Variants in CGGBP1 observed in about 807,000 individuals in gnomAD.
The protein encoded by CGGBP1 is CGG triplet repeat-binding protein 1.
A neutral mutation model predicts 11.4 loss-of-function variants in CGGBP1; 4 were observed. The ratio of observed to expected loss-of-function variants is 0.35; its 90% confidence interval spans 0.17 to 0.80. CGGBP1 has a LOEUF of 0.80. CGGBP1 is among the 30% of genes least tolerant of loss of function. The pLI, the probability that CGGBP1 is intolerant of heterozygous loss-of-function variation, is 0.52. For synonymous variants in CGGBP1, 76 were observed against 74.1 expected, an observed-to-expected ratio of 1.03 and a Z score of -0.13; for missense variants, 135 against 202.1, an observed-to-expected ratio of 0.67 and a Z score of 2.01.
rs1247933697 is a variant in CGGBP1, at chr3:88,136,051, A to G, written c.-229+4919T>C. On this transcript the variant is annotated intron_variant, in intron 2 of 3. Transcript: ENST00000462901. ...TAACTGCATTTATGGTATGCTTATT[A>G]AATAGTGAAATATCATTCAAATGCA... Among the ~76,000 whole-genome samples, 50 of 152,144 alleles carry G rather than the reference A, an allele frequency of 3.3e-4. 2 individuals are homozygous for G. Among genetic ancestry groups the G allele is most frequent in the Admixed American group, 3.3e-3 (50 of 15,274 alleles).
intron 2 of CGGBP1, among the ~76,000 whole-genome samples, chr3:88,081,141 G>C (rs544969136): frequency 6.6e-6 from 1 of 152,038 alleles, no homozygotes; most frequent in Non-Finnish European, 1.5e-5. Context: ...TTGTTTTCTC[G>C]TGATGGGAAT....
intron 2 of CGGBP1, among the ~76,000 whole-genome samples, chr3:88,080,902 G>T (rs2107644896): frequency 6.6e-6 from 1 of 152,224 alleles, no homozygotes; most frequent in African/African-American, 2.4e-5. Flanking sequence ...AGTAACATTG[G>T]TACAATAGTC....
intron 1 of CGGBP1, among the ~76,000 whole-genome samples, chr3:88,146,902 A>G (rs1576366323): frequency 1.3e-5 from 2 of 152,156 alleles, no homozygotes; most frequent in Admixed American, 1.3e-4. Flanking sequence ...CCCTGACTCT[A>G]TCATGCCCTT....
intron 2 of CGGBP1, among the ~76,000 whole-genome samples, chr3:88,108,554 G>T (rs1404306030): frequency 6.6e-6 from 1 of 152,132 alleles, no homozygotes; most frequent in Non-Finnish European, 1.5e-5. Context: ...GCTATTCTGA[G>T]TAGCATGATG....
At chr3:88,138,499 CTATT>C (rs1384042159) in intron 2 of CGGBP1, among the ~76,000 whole-genome samples, 1 of 151,984 alleles carries the variant, frequency 6.6e-6, no homozygotes, top group African/African-American at 2.4e-5. Flanking sequence ...AAAATGCTAT[CTATT>C]CCAGATTATT....
At chr3:88,121,807 C>G (rs140088096) in intron 2 of CGGBP1, among the ~76,000 whole-genome samples, 150 of 152,224 alleles carry the variant, frequency 9.9e-4, no homozygotes, top group African/African-American at 3.6e-3. Context: ...TCTTAATTTG[C>G]TGCAGTAACT....
intron 2 of CGGBP1, chr3:88,095,867 C>A: frequency 4.4e-6 from 2 of 451,752 alleles, no homozygotes; most frequent in South Asian, 1.7e-5. Context: ...TCAGCAGATA[C>A]TCCACTTGCC....
intron 2 of CGGBP1, among the ~76,000 whole-genome samples, chr3:88,066,377 C>G (rs1012610392): frequency 6.6e-6 from 1 of 151,908 alleles, no homozygotes; most frequent in African/African-American, 2.4e-5. Flanking sequence ...AGTTCGATAC[C>G]AGCCTGGGCA....
chr3:88,093,532 T>C (rs2107686422), intron 2 of CGGBP1, among the ~76,000 whole-genome samples: 1 of 152,212 alleles, frequency 6.6e-6, no homozygotes, highest in East Asian at 1.9e-4. Context: ...GACTAAATGG[T>C]GTATTGGCAA....
chr3:88,076,338 C>G (rs1246437485), intron 2 of CGGBP1, among the ~76,000 whole-genome samples: 2 of 152,142 alleles, frequency 1.3e-5, no homozygotes, highest in African/African-American at 4.8e-5. Flanking sequence ...TGTAACCAGT[C>G]ACCCTTCCTT....
intron 2 of CGGBP1, chr3:88,140,515 C>G: frequency 1.2e-6 from 2 of 1,613,736 alleles, no homozygotes; most frequent in Non-Finnish European, 1.7e-6. Flanking sequence ...TCTGATGACA[C>G]TGTTTCAAAT....
chr3:88,063,929 A>G (rs1707042294), upstream of CGGBP1, among the ~76,000 whole-genome samples: 1 of 152,094 alleles, frequency 6.6e-6, no homozygotes. Flanking sequence ...CTGTGGTGTA[A>G]ACCAAAACAA....
intron 2 of CGGBP1, among the ~76,000 whole-genome samples, chr3:88,098,367 A>G (rs2107705611): frequency 6.6e-6 from 1 of 152,330 alleles, no homozygotes; most frequent in South Asian, 2.1e-4. Flanking sequence ...AGGGTCCAGG[A>G]CCAGATGGAT....
At chr3:88,074,425 T>C (rs912992315) in intron 2 of CGGBP1, among the ~76,000 whole-genome samples, 32 of 151,260 alleles carry the variant, frequency 2.1e-4, no homozygotes, top group Admixed American at 6.6e-4. Flanking sequence ...CACTGCAATC[T>C]CTGCCTCCTG....
chr3:88,098,694 C>A (rs1217233899), intron 2 of CGGBP1, among the ~76,000 whole-genome samples: 2 of 152,080 alleles, frequency 1.3e-5, no homozygotes, highest in Non-Finnish European at 2.9e-5. Context: ...AATCAATAAA[C>A]GTAATCCAGC....
Position 88,130,500 on chromosome 3 carries a change from A to G in CGGBP1, c.-229+10470T>C, listed in dbSNP as rs1478834098. On this transcript the variant is annotated intron_variant, in intron 2 of 3. Coordinates refer to the CGGBP1 transcript ENST00000462901. ...AGGGTTTCACTGTGTCTCTCAGGCT[A>G]GAATACAGTGGTGCGATCATGGCTC... Among the ~76,000 whole-genome samples, 3 of 152,000 alleles carry G rather than the reference A, an allele frequency of 2.0e-5. No individual in the cohort carries two copies. In the East Asian group the frequency reaches 5.8e-4, roughly 29 times the overall value.
intron 2 of CGGBP1, among the ~76,000 whole-genome samples, chr3:88,092,780 T>C (rs1451127363): frequency 2.0e-5 from 3 of 152,208 alleles, no homozygotes; most frequent in Admixed American, 1.3e-4. Flanking sequence ...TAAGTTACTA[T>C]ATTCTCTGGC....
intron 1 of CGGBP1, among the ~76,000 whole-genome samples, chr3:88,148,313 G>A (rs1707345586): frequency 6.6e-6 from 1 of 152,114 alleles, no homozygotes; most frequent in Non-Finnish European, 1.5e-5. Flanking sequence ...ACAATAACTG[G>A]CAAGTAGGTG....
At chr3:88,097,971 A>G (rs1704166443) in intron 2 of CGGBP1, among the ~76,000 whole-genome samples, 1 of 152,186 alleles carries the variant, frequency 6.6e-6, no homozygotes, top group South Asian at 2.1e-4. Context: ...AAGACAAGAA[A>G]TAACTAAGAT....
Sources: gnomAD v4.1 joint callset for allele counts (sites outside exome capture counted in the v4.1 genomes callset) on GRCh38, gnomAD v4.1.1 for gene constraint, MANE v1.5 for transcripts, NCBI Gene and HGNC (gene_info 2026-07-23, HGNC 2026-07-21) for gene names.